Variants in SNORD118 observed in about 807,000 individuals in gnomAD.
The protein encoded by SNORD118 is small nucleolar RNA, C/D box 118.
Position 8,173,484 on chromosome 17 carries a change from T to A in SNORD118, n.104A>T, listed in dbSNP as rs9901637. ...ACAGGAGCAATCAGGGTGTTGCAAG[T>A]CCTGATTACGCAGAGACGTTAATCA... On this transcript the variant is annotated non_coding_transcript_exon_variant, in exon 1 of 1. Coordinates refer to ENST00000363593, the Ensembl canonical transcript of SNORD118. The A allele has an allele frequency of 0.64, 489,063 of 764,100 alleles. 159,549 individuals are homozygous for A. Among genetic ancestry groups the A allele is most frequent in the South Asian group, 0.71 (53,009 of 74,534 alleles). The allele number at this position is 764,100 out of a possible 1,614,324, so 47.3% of individuals were successfully genotyped here.
Position 8,173,461 on chromosome 17 carries a change from A to C in SNORD118, n.127T>G, listed in dbSNP as rs569413803. 337 of 764,172 alleles carry C rather than the reference A, an allele frequency of 4.4e-4. 1 individual carries two copies. Among genetic ancestry groups the C allele is most frequent in the Non-Finnish European group, 1.5e-4 (61 of 417,728 alleles). The allele number at this position is 764,172 out of a possible 1,614,324, so 47.3% of individuals were successfully genotyped here. ...AAGTGATCGTCAGAAAGAATCAGAC[A>C]GGAGCAATCAGGGTGTTGCAAGTCC... On this transcript the variant is annotated non_coding_transcript_exon_variant, in exon 1 of 1. Transcript: ENST00000363593.
Position 8,173,536 on chromosome 17 carries a change from T to TA in SNORD118, n.51_52insT, listed in dbSNP as rs757824735. On this transcript the variant is annotated non_coding_transcript_exon_variant, in exon 1 of 1. Transcript: ENST00000363593. ...GTTTCATGCATCTCCAATCATCATG[T>TA]TCTAATCTGCCCTCCGGAGGAGGAA... is the stretch of plus-strand genomic sequence containing the variant. 56 of 765,422 alleles carry TA rather than the reference T, an allele frequency of 7.3e-5. No individual in the cohort carries two copies. The highest frequency in any genetic ancestry group is 1.2e-4 in the East Asian group (5 of 41,250). 47.4% of individuals were successfully genotyped at this position (765,422 alleles called of 1,614,324 possible).
chr17:8,173,549 T>G (rs755859673), exon 1 of SNORD118: 14 of 765,338 alleles, frequency 1.8e-5, no homozygotes, highest in East Asian at 4.8e-5. Context: ...TAATCTGCCC[T>G]CCGGAGGAGG....
chr17:8,173,470 C>CAGG (rs1567550070), exon 1 of SNORD118: 2 of 764,528 alleles, frequency 2.6e-6, no homozygotes, highest in Admixed American at 3.4e-5. Flanking sequence ...CAGGAGCAAT[C>CAGG]AGGGTGTTGC....
exon 1 of SNORD118, chr17:8,173,550 C>CG (rs146107438): frequency 2.6e-6 from 2 of 765,358 alleles, no homozygotes; most frequent in South Asian, 1.3e-5. Flanking sequence ...AATCTGCCCT[C>CG]CGGAGGAGGA....
exon 1 of SNORD118, chr17:8,173,527 A>T (rs761878851): frequency 2.6e-6 from 2 of 765,428 alleles, no homozygotes; most frequent in South Asian, 2.7e-5. Flanking sequence ...TGCATCTCCA[A>T]TCATCATGTT....
chr17:8,173,549 TCCGGAGGAGG>T, exon 1 of SNORD118: 1 of 765,220 alleles, frequency 1.3e-6, no homozygotes, highest in East Asian at 2.4e-5. Flanking sequence ...TAATCTGCCC[TCCGGAGGAGG>T]AACAGGTAAG....
exon 1 of SNORD118, chr17:8,173,476 G>C (rs541427710): frequency 7.8e-6 from 6 of 764,608 alleles, no homozygotes; most frequent in Admixed American, 6.8e-5. Flanking sequence ...CAATCAGGGT[G>C]TTGCAAGTCC....
chr17:8,173,582 T>G (rs202130315), exon 1 of SNORD118: 3 of 764,370 alleles, frequency 3.9e-6, no homozygotes, highest in East Asian at 2.4e-5. Context: ...TTATCCCACC[T>G]GACGATACAG....
In SNORD118 at chr17:8,173,550, C is replaced by T. The variant is rs200458465; in HGVS notation, n.38G>A. ...CAATCATCATGTTCTAATCTGCCCT[C>T]CGGAGGAGGAACAGGTAAGGATTAT... On this transcript the variant is annotated non_coding_transcript_exon_variant, in exon 1 of 1. Coordinates refer to ENST00000363593, the Ensembl canonical transcript of SNORD118. 40 of 765,358 alleles carry T rather than the reference C, an allele frequency of 5.2e-5. 1 individual carries two copies. The highest frequency in any genetic ancestry group is 2.9e-4 in the African/African-American group (17 of 59,218). The allele number at this position is 765,358 out of a possible 1,614,324, so 47.4% of individuals were successfully genotyped here.
rs550983276 is a variant in SNORD118 at position 8,173,540 on chromosome 17, A to C, written n.48T>G. The C allele has an allele frequency of 1.0e-4, 79 of 764,954 alleles. 1 individual carries two copies. Among genetic ancestry groups the C allele is most frequent in the South Asian group, 5.1e-4 (38 of 74,614 alleles). 47.4% of individuals were successfully genotyped at this position (764,954 alleles called of 1,614,324 possible). On this transcript the variant is annotated non_coding_transcript_exon_variant, in exon 1 of 1. Coordinates refer to ENST00000363593, the Ensembl canonical transcript of SNORD118. Reference sequence around the variant, plus strand: ...CATGCATCTCCAATCATCATGTTCTAATCTGCCCTCCGGAGGAGGAACAGG... The same window carrying C: ...CATGCATCTCCAATCATCATGTTCTCATCTGCCCTCCGGAGGAGGAACAGG...
exon 1 of SNORD118, chr17:8,173,540 A>T (rs550983276): frequency 1.2e-5 from 9 of 764,836 alleles, no homozygotes; most frequent in Middle Eastern, 2.2e-4. Flanking sequence ...ATCATGTTCT[A>T]ATCTGCCCTC....
rs761719332 is a variant in SNORD118, at chr17:8,173,497, G to GA, written n.90dup. The GA allele has an allele frequency of 5.4e-4, 413 of 765,266 alleles. 6 individuals are homozygous for GA. In the East Asian group the frequency reaches 9.4e-3, roughly 17 times the overall value. 47.4% of individuals were successfully genotyped at this position (765,266 alleles called of 1,614,324 possible). A position where few individuals can be genotyped will look rare whatever the true frequency, so the allele number is the denominator to read the frequency against. On this transcript the variant is annotated non_coding_transcript_exon_variant, in exon 1 of 1. Transcript: ENST00000363593. ...GGGTGTTGCAAGTCCTGATTACGCA[G>GA]AGACGTTAATCACGTTTCATGCATC...
exon 1 of SNORD118, chr17:8,173,533 A>AG: frequency 1.3e-6 from 1 of 765,410 alleles, no homozygotes. Flanking sequence ...TCCAATCATC[A>AG]TGTTCTAATC....
At chr17:8,173,501 CG>C in exon 1 of SNORD118, 1 of 765,226 alleles carries the variant, frequency 1.3e-6, no homozygotes, top group Non-Finnish European at 2.4e-6. Context: ...TACGCAGAGA[CG>C]TTAATCACGT....
chr17:8,173,471 AG>A (rs1214431773), exon 1 of SNORD118: 13 of 764,528 alleles, frequency 1.7e-5, no homozygotes, highest in African/African-American at 1.7e-4. Context: ...AGGAGCAATC[AG>A]GGTGTTGCAA....
At chr17:8,173,570 G>T in exon 1 of SNORD118, 3 of 764,862 alleles carry the variant, frequency 3.9e-6, no homozygotes, top group Non-Finnish European at 7.2e-6. Context: ...AACAGGTAAG[G>T]ATTATCCCAC....
At chr17:8,173,501 C>G (rs750367625) in exon 1 of SNORD118, 7 of 765,108 alleles carry the variant, frequency 9.1e-6, no homozygotes, top group Non-Finnish European at 1.4e-5. Flanking sequence ...TACGCAGAGA[C>G]GTTAATCACG....
In SNORD118 at chr17:8,173,558, G is replaced by A. The variant is rs112608031; in HGVS notation, n.30C>T. 1.8e-3 allele frequency: 1,361 copies of A among 765,298 alleles called. 3 individuals are homozygous for A. Among genetic ancestry groups the A allele is most frequent in the African/African-American group, 8.8e-3 (522 of 59,230 alleles). The allele number at this position is 765,298 out of a possible 1,614,324, so 47.4% of individuals were successfully genotyped here. On this transcript the variant is annotated non_coding_transcript_exon_variant, in exon 1 of 1. Transcript: ENST00000363593. ...ATGTTCTAATCTGCCCTCCGGAGGA[G>A]GAACAGGTAAGGATTATCCCACCTG... is the stretch of plus-strand genomic sequence containing the variant.
Sources: allele counts gnomAD v4.1 joint callset, GRCh38; gene constraint gnomAD v4.1.1; transcripts MANE v1.5; gene names NCBI Gene and HGNC (gene_info 2026-07-23, HGNC 2026-07-21).